MAF: variants seen among roughly 807,000 people sequenced by gnomAD.
The protein encoded by MAF is MAF bZIP transcription factor.
Under a neutral mutation model 22.0 loss-of-function variants are expected in MAF, and 10 were observed. The observed-to-expected ratio is 0.45, with a 90% confidence interval of 0.28 to 0.77. The LOEUF is 0.77. MAF is among the 30% of genes least tolerant of loss of function. MAF has a pLI of 0.12. For synonymous variants in MAF, 337 were observed against 255.8 expected, an observed-to-expected ratio of 1.32 and a Z score of -3.03; for missense variants, 544 against 548.4, an observed-to-expected ratio of 0.99 and a Z score of 0.08.
chr16:79,341,812 C>G, the MAF span, among the ~76,000 whole-genome samples: 1 of 152,168 alleles, frequency 6.6e-6, no homozygotes, highest in Non-Finnish European at 1.5e-5. Context: ...CCATCAGATG[C>G]TGATGGGTGA....
the MAF span, among the ~76,000 whole-genome samples, chr16:79,458,982 T>C: frequency 2.6e-3 from 389 of 152,338 alleles, 4 homozygotes; most frequent in African/African-American, 9.0e-3. Context: ...ACTTCTTTTT[T>C]CTTTCCCAGA....
the MAF span, among the ~76,000 whole-genome samples, chr16:79,382,666 C>T: frequency 0.31 from 47,676 of 152,112 alleles, 11,461 homozygotes; most frequent in African/African-American, 0.68. Context: ...GTTTTCTCCA[C>T]CTCCAAACAC....
the MAF span, among the ~76,000 whole-genome samples, chr16:79,294,263 G>A: frequency 1.3e-5 from 2 of 152,150 alleles, no homozygotes; most frequent in Non-Finnish European, 2.9e-5. Context: ...TTAGACTCTT[G>A]TATATGTGTC....
the MAF span, among the ~76,000 whole-genome samples, chr16:79,500,437 C>T: frequency 6.6e-6 from 1 of 152,278 alleles, no homozygotes; most frequent in East Asian, 1.9e-4. Context: ...CTCCACAAGA[C>T]CTCTGTCTGC....
the MAF span, among the ~76,000 whole-genome samples, chr16:79,547,941 A>G: frequency 6.6e-6 from 1 of 152,088 alleles, no homozygotes; most frequent in Non-Finnish European, 1.5e-5. Flanking sequence ...AGAGAGAGAG[A>G]GAATAGCATC....
the MAF span, among the ~76,000 whole-genome samples, chr16:79,395,067 G>C: frequency 6.6e-6 from 1 of 152,190 alleles, no homozygotes; most frequent in Non-Finnish European, 1.5e-5. Flanking sequence ...AATTGTTCTA[G>C]ATCAAGAATC....
the MAF span, among the ~76,000 whole-genome samples, chr16:79,479,501 G>C: frequency 2.0e-4 from 30 of 152,318 alleles, 1 homozygote; most frequent in South Asian, 3.5e-3. Context: ...GAATTTGTCA[G>C]GGCGGGGCCA....
chr16:79,526,298 A>G, the MAF span, among the ~76,000 whole-genome samples: 1 of 152,188 alleles, frequency 6.6e-6, no homozygotes, highest in South Asian at 2.1e-4. Context: ...GATTCTCATA[A>G]GGAGACCACA....
At chr16:79,374,919 A>G in the MAF span, among the ~76,000 whole-genome samples, 1 of 152,198 alleles carries the variant, frequency 6.6e-6, no homozygotes, top group Non-Finnish European at 1.5e-5. Context: ...ATCACGCTCT[A>G]AAGGGCTGAG....
At chr16:79,583,033 CT>C (rs1362015355), downstream of MAF, among the ~76,000 whole-genome samples, 4 of 152,168 alleles carry the variant, frequency 2.6e-5, no homozygotes, top group Admixed American at 1.3e-4. Flanking sequence ...TTGATGGGTT[CT>C]GCAAGGGAAA....
chr16:79,598,461 A>AAC, intron 1 of MAF: 1 of 1,289,962 alleles, frequency 7.8e-7, no homozygotes, highest in East Asian at 3.4e-5. Context: ...GGTGTAAAAA[A>AAC]AAAAAAAAAA....
the MAF span, among the ~76,000 whole-genome samples, chr16:79,262,003 A>C: frequency 4.6e-5 from 7 of 152,072 alleles, no homozygotes; most frequent in Admixed American, 4.6e-4. Flanking sequence ...CATCATGCAC[A>C]ATCCTAGGTG....
the MAF span, chr16:79,515,833 C>T: frequency 6.6e-6 from 1 of 152,144 alleles, no homozygotes; most frequent in Non-Finnish European, 1.5e-5. Flanking sequence ...ATCAGCCTCA[C>T]TGATCACAGA....
At chr16:79,415,373 G>A in the MAF span, among the ~76,000 whole-genome samples, 2 of 151,556 alleles carry the variant, frequency 1.3e-5, no homozygotes, top group African/African-American at 2.4e-5. Flanking sequence ...GAAGGAGGAA[G>A]GAGGGAGCAA....
downstream of MAF, among the ~76,000 whole-genome samples, chr16:79,584,983 G>A (rs1210705765): frequency 6.6e-6 from 1 of 152,156 alleles, no homozygotes; most frequent in African/African-American, 2.4e-5. Context: ...CAATTTGAAA[G>A]TGTGATTTTT....
At chr16:79,563,146 A>G in the MAF span, among the ~76,000 whole-genome samples, 2 of 152,282 alleles carry the variant, frequency 1.3e-5, no homozygotes, top group Non-Finnish European at 2.9e-5. Context: ...GTACCCATAA[A>G]GCACTGGACT....
At chr16:79,228,327 A>C in the MAF span, among the ~76,000 whole-genome samples, 7 of 152,018 alleles carry the variant, frequency 4.6e-5, no homozygotes, top group African/African-American at 1.4e-4. Context: ...CAAATAATTC[A>C]CCCATTAACT....
At chr16:79,475,303 G>A in the MAF span, among the ~76,000 whole-genome samples, 3 of 150,406 alleles carry the variant, frequency 2.0e-5, no homozygotes, top group African/African-American at 7.3e-5. Context: ...TTAATTCTCA[G>A]ACCCACATAT....
At chr16:79,556,711 G>A in the MAF span, among the ~76,000 whole-genome samples, 1 of 152,118 alleles carries the variant, frequency 6.6e-6, no homozygotes, top group Non-Finnish European at 1.5e-5. Context: ...TTTCAGCTAC[G>A]TGGGTAAATT....
Sources: allele counts gnomAD v4.1 joint callset (sites outside exome capture counted in the v4.1 genomes callset), GRCh38; gene constraint gnomAD v4.1.1; transcripts MANE v1.5; gene names NCBI Gene and HGNC (gene_info 2026-07-23, HGNC 2026-07-21).